NECTIN3: variants seen among roughly 807,000 people sequenced by gnomAD.
The protein encoded by NECTIN3 is nectin-3.
A neutral mutation model predicts 49.4 loss-of-function variants in NECTIN3; 8 were observed. The observed-to-expected ratio is 0.16, with a 90% confidence interval of 0.10 to 0.29. NECTIN3 has a LOEUF of 0.29. NECTIN3 is among the 10% of genes least tolerant of loss of function. The probability of loss-of-function intolerance (pLI) is 1.00; values close to 1 mark genes in which losing one functional copy is unlikely to be tolerated. For synonymous variants in NECTIN3, 277 were observed against 241.1 expected (o/e 1.15, Z -1.38); for missense variants, 581 against 654.6 (o/e 0.89, Z 1.23).
Position 111,137,096 on chromosome 3 carries a change from T to G in NECTIN3, c.*2881T>G. On this transcript the variant is annotated 3_prime_UTR_variant, in exon 6 of 6. Transcript: ENST00000485303. ...GCATTAAGGAGCTGTAGGAGTACAG[T>G]GTATAAGTACAGAAATTGAGAGAAA... The G allele has an allele frequency of 4.1e-6, 4 of 983,158 alleles. No individual in the cohort carries two copies. Among genetic ancestry groups the G allele is most frequent in the Non-Finnish European group, 4.8e-6 (4 of 828,026 alleles). 60.9% of individuals were successfully genotyped at this position (983,158 alleles called of 1,614,324 possible).
At chr3:111,184,201 A>T (rs2107534306) in intron 7 of NECTIN3, among the ~76,000 whole-genome samples, 1 of 152,026 alleles carries the variant, frequency 6.6e-6, no homozygotes, top group South Asian at 2.1e-4. Flanking sequence ...TCTTTTTTAT[A>T]GTTGTCAACT....
rs2033507031 is a variant in NECTIN3 at position 111,112,347 on chromosome 3, T to C, written c.478T>C (p.Ser160Pro). ...TACATTCCCGCTTGGAAATGCCCAG[T>C]CCTCTACAACTGTAACTGTGTTAGG... ...AVTFPLGNAQ[S>P]STTVTVLVEP... The change falls in exon 2 of 6, where the codon TCC becomes CCC. Residue 160 changes from serine (S) to proline (P), a missense_variant. Ser to Pro is a moderately conservative substitution (Grantham distance 74). Transcript: ENST00000485303. 1 of 1,609,020 alleles carries C rather than the reference T, an allele frequency of 6.2e-7. No individual in the cohort carries two copies. Among genetic ancestry groups the C allele is most frequent in the Non-Finnish European group, 8.5e-7 (1 of 1,176,388 alleles).
chr3:111,171,133 A>G (rs1576177793), intron 7 of NECTIN3, among the ~76,000 whole-genome samples: 1 of 152,350 alleles, frequency 6.6e-6, no homozygotes, highest in East Asian at 1.9e-4. Flanking sequence ...TGCCGTTATT[A>G]TCTTCACCTT....
intron 5 of NECTIN3, among the ~76,000 whole-genome samples, chr3:111,128,264 G>A (rs2034247068): frequency 1.3e-5 from 2 of 151,276 alleles, no homozygotes; most frequent in Non-Finnish European, 2.9e-5. Context: ...TTGAATCCGG[G>A]AGGCAGAGAT....
At chr3:111,155,187 C>T (rs112658379) in intron 7 of NECTIN3, among the ~76,000 whole-genome samples, 5 of 152,210 alleles carry the variant, frequency 3.3e-5, no homozygotes, top group African/African-American at 9.7e-5. Flanking sequence ...CCGCCTGCCT[C>T]GGCCTCCCAA....
rs779386683 is a variant in NECTIN3, at chr3:111,112,378, A to G, written c.502+7A>G. On this transcript the variant is annotated splice_region_variant and intron_variant, in intron 2 of 5. Coordinates refer to ENST00000485303, the MANE Select transcript of NECTIN3 (RefSeq NM_015480.3). Reference sequence around the variant, plus strand: ...ACAACTGTAACTGTGTTAGGTAGGTATGCTTGAATTATGTATTTTGGTGAT... The same window carrying G: ...ACAACTGTAACTGTGTTAGGTAGGTGTGCTTGAATTATGTATTTTGGTGAT... 2.7e-6 allele frequency: 4 copies of G among 1,495,130 alleles called. No homozygotes were observed. The East Asian group carries it at 9.2e-5, about 35-fold the overall frequency. The allele number at this position is 1,495,130 out of a possible 1,614,324, so 92.6% of individuals were successfully genotyped here.
chr3:111,133,270 A>G (rs2034455556), intron 5 of NECTIN3, among the ~76,000 whole-genome samples: 1 of 152,006 alleles, frequency 6.6e-6, no homozygotes, highest in Non-Finnish European at 1.5e-5. Flanking sequence ...TTTTTGTTAT[A>G]GTAATTATTA....
At chr3:111,116,046 A>G (rs2033678902) in intron 2 of NECTIN3, among the ~76,000 whole-genome samples, 1 of 152,172 alleles carries the variant, frequency 6.6e-6, no homozygotes, top group Non-Finnish European at 1.5e-5. Flanking sequence ...TAGAAGCTGA[A>G]GCATCAAGCC....
At chr3:111,100,528 G>A (rs548705344) in intron 1 of NECTIN3, among the ~76,000 whole-genome samples, 186 of 152,108 alleles carry the variant, frequency 1.2e-3, no homozygotes, top group Middle Eastern at 6.8e-3. Flanking sequence ...ATCTCATCAT[G>A]TATATGCAAA....
intron 1 of NECTIN3, among the ~76,000 whole-genome samples, chr3:111,092,088 C>G (rs978252618): frequency 6.6e-6 from 1 of 152,120 alleles, no homozygotes; most frequent in Non-Finnish European, 1.5e-5. Context: ...TATATATGTT[C>G]TCTGAAGGCA....
intron 7 of NECTIN3, among the ~76,000 whole-genome samples, chr3:111,170,779 G>A (rs778796909): frequency 2.1e-4 from 32 of 152,174 alleles, no homozygotes; most frequent in Non-Finnish European, 4.0e-4. Context: ...ATCATATATT[G>A]AGGGTGGGAG....
intron 7 of NECTIN3, among the ~76,000 whole-genome samples, chr3:111,185,171 T>C (rs1314763193): frequency 1.3e-5 from 2 of 152,220 alleles, no homozygotes; most frequent in African/African-American, 2.4e-5. Context: ...TTCAGGACCC[T>C]GTTCCACAGA....
chr3:111,093,321 A>G (rs1559772317), intron 1 of NECTIN3, among the ~76,000 whole-genome samples: 1 of 152,136 alleles, frequency 6.6e-6, no homozygotes, highest in Non-Finnish European at 1.5e-5. Context: ...GAGAGGCAAT[A>G]TATTGATAAT....
At chr3:111,154,066 C>T (rs1264543809) in intron 7 of NECTIN3, among the ~76,000 whole-genome samples, 1 of 152,116 alleles carries the variant, frequency 6.6e-6, no homozygotes, top group African/African-American at 2.4e-5. Flanking sequence ...GTACTGCGCA[C>T]ACACACAAAT....
At chr3:111,114,292 G>A (rs1442954519) in intron 2 of NECTIN3, among the ~76,000 whole-genome samples, 1 of 151,924 alleles carries the variant, frequency 6.6e-6, no homozygotes, top group Non-Finnish European at 1.5e-5. Flanking sequence ...TGCCTGGATT[G>A]CCTTTTTTTC....
rs2034957923 is a variant in NECTIN3, at chr3:111,149,619, G to A, written c.1221+2135G>A. Among the ~76,000 whole-genome samples, 3 of 151,602 alleles carry A rather than the reference G, an allele frequency of 2.0e-5. No homozygotes were observed. The South Asian group carries it at 6.2e-4, about 31-fold the overall frequency. ...CTCCTCCCATGGACTTTTTAAATTG[G>A]CTATTAGCATATAGAAATGCCTGTT... On this transcript the variant is annotated intron_variant, in intron 7 of 8. Coordinates refer to the NECTIN3 transcript ENST00000493615.
intron 7 of NECTIN3, among the ~76,000 whole-genome samples, chr3:111,162,957 G>A (rs1391062591): frequency 6.6e-6 from 1 of 152,166 alleles, no homozygotes; most frequent in African/African-American, 2.4e-5. Context: ...CCTAAATTTA[G>A]TGGCTTTAAT....
At chr3:111,167,366 A>G (rs1292373903) in intron 7 of NECTIN3, among the ~76,000 whole-genome samples, 1 of 152,162 alleles carries the variant, frequency 6.6e-6, no homozygotes, top group East Asian at 1.9e-4. Flanking sequence ...GTACATAATT[A>G]CTATCTGAAA....
At chr3:111,184,253 T>A (rs942001304) in intron 7 of NECTIN3, among the ~76,000 whole-genome samples, 2 of 152,212 alleles carry the variant, frequency 1.3e-5, no homozygotes, top group African/African-American at 4.8e-5. Flanking sequence ...CTTAAACATA[T>A]TTATAATAGC....
Sources: gnomAD v4.1 joint callset for allele counts (sites outside exome capture counted in the v4.1 genomes callset) on GRCh38, gnomAD v4.1.1 for gene constraint, MANE v1.5 for transcripts, NCBI Gene and HGNC (gene_info 2026-07-23, HGNC 2026-07-21) for gene names.